The following POLR3B variants were observed in gnomAD, a reference collection of about 807,000 sequenced individuals.
The protein encoded by POLR3B is RNA polymerase III subunit B, also known as DNA-directed RNA polymerase III subunit RPC2.
A neutral mutation model predicts 147.4 loss-of-function variants in POLR3B; 96 were observed. The observed-to-expected ratio is 0.65, with a 90% confidence interval of 0.55 to 0.77. The LOEUF (loss-of-function observed/expected upper bound fraction) is 0.77. POLR3B is among the 30% of genes least tolerant of loss of function. The pLI is 0.00. For synonymous variants in POLR3B, 461 were observed against 485.9 expected (o/e 0.95, Z 0.67); for missense variants, 1,036 against 1,413.5 (o/e 0.73, Z 4.28).
chr12:106,482,591 A>G (rs1280232652), intron 23 of POLR3B, among the ~76,000 whole-genome samples: 1 of 152,150 alleles, frequency 6.6e-6, no homozygotes, highest in Non-Finnish European at 1.5e-5. Flanking sequence ...CGAGGGGGGA[A>G]TCCACCTCAT....
At chr12:106,405,580 A>ACACACACACACACACAC (rs2037140566) in intron 10 of POLR3B, among the ~76,000 whole-genome samples, 1 of 150,056 alleles carries the variant, frequency 6.7e-6, no homozygotes, top group East Asian at 1.9e-4. Context: ...ACACACACAC[A>ACACACACACACACACAC]AATATATTTT....
chr12:106,398,543 G>C (rs187944482), intron 10 of POLR3B, among the ~76,000 whole-genome samples: 1 of 152,326 alleles, frequency 6.6e-6, no homozygotes, highest in East Asian at 1.9e-4. Context: ...TCCTCAAGTG[G>C]TTCCCTGACC....
chr12:106,365,372 C>T (rs988849799), intron 2 of POLR3B, among the ~76,000 whole-genome samples: 1 of 152,046 alleles, frequency 6.6e-6, no homozygotes, highest in Non-Finnish European at 1.5e-5. Context: ...ATAAAATGGT[C>T]GTAAGGTCAA....
At chr12:106,474,946 A>T in intron 23 of POLR3B, among the ~76,000 whole-genome samples, 1 of 135,512 alleles carries the variant, frequency 7.4e-6, no homozygotes, top group Non-Finnish European at 1.6e-5. Context: ...TAGTTCTTTT[A>T]ATTGTGATGT....
At chr12:106,470,278 C>T (rs1342529872) in intron 23 of POLR3B, among the ~76,000 whole-genome samples, 6 of 152,010 alleles carry the variant, frequency 3.9e-5, no homozygotes, top group African/African-American at 9.7e-5. Flanking sequence ...ACGAAGTTCT[C>T]GTACTGTGGT....
intron 19 of POLR3B, among the ~76,000 whole-genome samples, chr12:106,451,282 A>AT (rs1162478476): frequency 6.6e-6 from 1 of 151,928 alleles, no homozygotes; most frequent in African/African-American, 2.4e-5. Context: ...GAACTCATTA[A>AT]TTTGTACACT....
rs1158157104 is a variant in POLR3B, at chr12:106,422,492, C to G, written c.1102-4705C>G. ...TTCTTTATAGCAATGCAAGAGCAGACTAATACAGTGCTCTTTATTTTTTAA... is the reference window on the plus strand; with the variant it reads ...TTCTTTATAGCAATGCAAGAGCAGAGTAATACAGTGCTCTTTATTTTTTAA... On this transcript the variant is annotated intron_variant, in intron 12 of 27. Coordinates refer to ENST00000228347, the MANE Select transcript of POLR3B (RefSeq NM_018082.6). Among the ~76,000 whole-genome samples, 3 of 152,304 alleles carry G rather than the reference C, an allele frequency of 2.0e-5. No individual in the cohort carries two copies. In the East Asian group the frequency reaches 5.8e-4, roughly 29 times the overall value.
chr12:106,405,028 C>G (rs897143323), intron 10 of POLR3B, among the ~76,000 whole-genome samples: 2 of 152,146 alleles, frequency 1.3e-5, no homozygotes, highest in Non-Finnish European at 2.9e-5. Context: ...CATCAAAAGT[C>G]AACTGACCAT....
At chr12:106,451,556 A>T (rs1353008923) in intron 19 of POLR3B, among the ~76,000 whole-genome samples, 2 of 137,644 alleles carry the variant, frequency 1.5e-5, no homozygotes, top group Non-Finnish European at 3.0e-5. Flanking sequence ...CAGGAGGCAG[A>T]GGTTGCAGTG....
At chr12:106,368,713 A>AT (rs2036563803) in intron 4 of POLR3B, among the ~76,000 whole-genome samples, 2 of 151,736 alleles carry the variant, frequency 1.3e-5, no homozygotes, top group South Asian at 2.1e-4. Context: ...TCTTTTCTTT[A>AT]TTTTTTCAGT....
intron 10 of POLR3B, among the ~76,000 whole-genome samples, chr12:106,393,521 G>GTA (rs981657261): frequency 1.3e-5 from 2 of 150,334 alleles, no homozygotes; most frequent in Non-Finnish European, 3.0e-5. Flanking sequence ...GTGTGTGTGT[G>GTA]TGTGTGTGTA....
intron 6 of POLR3B, among the ~76,000 whole-genome samples, 189 bp from the exon 7 acceptor site, chr12:106,376,170 C>T (rs546582847): frequency 2.0e-5 from 3 of 152,284 alleles, no homozygotes; most frequent in Non-Finnish European, 2.9e-5. Flanking sequence ...CTGTACTAGA[C>T]GAGCAGCGTG....
chr12:106,437,844 T>C (rs1000953948), intron 18 of POLR3B, 65 bp downstream of exon 18: 109 of 850,904 alleles, frequency 1.3e-4, no homozygotes, highest in Non-Finnish European at 2.0e-4. Context: ...CCTTCTCTTT[T>C]ACTGTCATCT....
intron 13 of POLR3B, among the ~76,000 whole-genome samples, chr12:106,427,839 G>A (rs2037458467): frequency 6.6e-6 from 1 of 152,078 alleles, no homozygotes; most frequent in South Asian, 2.1e-4. Flanking sequence ...GTGTAGTCAG[G>A]GTCTCAGGCT....
At chr12:106,435,729 G>A (rs1312685294) in intron 16 of POLR3B, among the ~76,000 whole-genome samples, 3 of 152,118 alleles carry the variant, frequency 2.0e-5, no homozygotes, top group African/African-American at 7.2e-5. Context: ...CACACATTAG[G>A]TGCTTATTTA....
intron 23 of POLR3B, among the ~76,000 whole-genome samples, chr12:106,477,444 C>T (rs1188314527): frequency 7.1e-5 from 10 of 141,228 alleles, no homozygotes; most frequent in East Asian, 6.0e-4. Context: ...TGGGCAATGG[C>T]GGGCGCCCCT....
At position 106,437,747 on chromosome 12, in the gene POLR3B, T is replaced by C. The variant is rs770333846; in HGVS notation, c.1923T>C (p.Cys641=). The change falls in exon 18 of 28, where the codon TGT becomes TGC. Residue 641 remains cysteine (C), a synonymous_variant. Coordinates refer to ENST00000228347, the MANE Select transcript of POLR3B (RefSeq NM_018082.6). ...EYLDVNEEND[C]NIALYEHTIN... ...TAGATGTGAATGAAGAAAATGATTG[T>C]AACATTGCACTGTACGAACACACAA... 5.6e-6 allele frequency: 9 copies of C among 1,599,294 alleles called. No individual in the cohort carries two copies. In the Admixed American group the frequency reaches 1.5e-4, roughly 27 times the overall value.
intron 18 of POLR3B, among the ~76,000 whole-genome samples, chr12:106,440,660 G>A (rs942461002): frequency 2.6e-5 from 4 of 151,398 alleles, no homozygotes; most frequent in South Asian, 2.1e-4. Flanking sequence ...TCACCTTCTC[G>A]TGAGATTTTT....
intron 6 of POLR3B, among the ~76,000 whole-genome samples, chr12:106,374,760 C>G (rs571405664): frequency 7.2e-5 from 11 of 152,334 alleles, no homozygotes; most frequent in African/African-American, 2.6e-4. Flanking sequence ...TTGTGATCCA[C>G]TTGCCTTGGC....
Sources: gnomAD v4.1 joint callset for allele counts (sites outside exome capture counted in the v4.1 genomes callset) on GRCh38, gnomAD v4.1.1 for gene constraint, MANE v1.5 for transcripts, NCBI Gene and HGNC (gene_info 2026-07-23, HGNC 2026-07-21) for gene names.